Variants in REDIC1 observed in about 807,000 individuals in gnomAD.
REDIC1 encodes HEI10 Interacting Protein 1.
the REDIC1 span, among the ~76,000 whole-genome samples, chr12:39,896,433 TATAC>T: frequency 6.9e-6 from 1 of 144,672 alleles, no homozygotes; most frequent in Admixed American, 7.1e-5. Context: ...TGTATATATG[TATAC>T]ATATATGTAT....
the REDIC1 span, among the ~76,000 whole-genome samples, chr12:39,743,340 A>T: frequency 2.6e-5 from 4 of 152,110 alleles, no homozygotes; most frequent in African/African-American, 9.7e-5. Context: ...AAAAGACTGA[A>T]ACCTAATTAT....
At chr12:39,712,093 C>T in the REDIC1 span, among the ~76,000 whole-genome samples, 82 of 94,956 alleles carry the variant, frequency 8.6e-4, no homozygotes, top group Admixed American at 2.1e-3. Flanking sequence ...TATATACATA[C>T]ATATATACCT....
the REDIC1 span, among the ~76,000 whole-genome samples, chr12:39,877,208 A>G: frequency 6.6e-6 from 1 of 152,168 alleles, no homozygotes; most frequent in Non-Finnish European, 1.5e-5. Context: ...ATTTATAAAT[A>G]AAAAGAGGTT....
the REDIC1 span, among the ~76,000 whole-genome samples, chr12:39,771,403 T>C: frequency 6.6e-6 from 1 of 152,184 alleles, no homozygotes. Context: ...TGCTGTAGGA[T>C]GCCTATGCTG....
chr12:39,788,808 C>G, the REDIC1 span: 4 of 152,288 alleles, frequency 2.6e-5, no homozygotes, highest in East Asian at 7.7e-4. Context: ...AGTAGCTCAA[C>G]AATCGAAGTT....
At chr12:39,733,409 A>T in the REDIC1 span, among the ~76,000 whole-genome samples, 2 of 152,052 alleles carry the variant, frequency 1.3e-5, no homozygotes, top group Admixed American at 1.3e-4. Context: ...CACTTCTATT[A>T]TCAATTTGTT....
At chr12:39,794,584 C>T in the REDIC1 span, among the ~76,000 whole-genome samples, 7 of 152,128 alleles carry the variant, frequency 4.6e-5, no homozygotes, top group Non-Finnish European at 1.0e-4. Context: ...AAGGCAAAGG[C>T]AGGTTCAAAG....
the REDIC1 span, among the ~76,000 whole-genome samples, chr12:39,704,507 A>C: frequency 6.6e-6 from 1 of 152,230 alleles, no homozygotes; most frequent in South Asian, 2.1e-4. Context: ...TGTAGAAGGC[A>C]GTGTGGCGAT....
chr12:39,812,468 T>C, the REDIC1 span, among the ~76,000 whole-genome samples: 1 of 151,472 alleles, frequency 6.6e-6, no homozygotes, highest in African/African-American at 2.4e-5. Flanking sequence ...TTCTCCTTTC[T>C]TTCTCCCCTT....
At chr12:39,818,480 T>A in the REDIC1 span, among the ~76,000 whole-genome samples, 1 of 152,200 alleles carries the variant, frequency 6.6e-6, no homozygotes. Flanking sequence ...GATGATGCTC[T>A]GAGTAATTAC....
the REDIC1 span, among the ~76,000 whole-genome samples, chr12:39,665,292 G>A: frequency 6.6e-6 from 1 of 152,140 alleles, no homozygotes; most frequent in Non-Finnish European, 1.5e-5. Flanking sequence ...TCTACATATG[G>A]CTAGCCAGTT....
chr12:39,709,891 T>A, the REDIC1 span, among the ~76,000 whole-genome samples: 1 of 151,808 alleles, frequency 6.6e-6, no homozygotes, highest in Non-Finnish European at 1.5e-5. Flanking sequence ...TTTTGAGAAA[T>A]CTTCATACCA....
At chr12:39,776,595 G>C in the REDIC1 span, among the ~76,000 whole-genome samples, 1 of 152,236 alleles carries the variant, frequency 6.6e-6, no homozygotes, top group African/African-American at 2.4e-5. Context: ...TGCAATAGAA[G>C]CCATGAGGTA....
At chr12:39,657,004 A>T in the REDIC1 span, among the ~76,000 whole-genome samples, 2 of 152,200 alleles carry the variant, frequency 1.3e-5, no homozygotes, top group Non-Finnish European at 2.9e-5. Context: ...AGAAATTTTT[A>T]AAAATAAATT....
the REDIC1 span, among the ~76,000 whole-genome samples, chr12:39,676,050 AC>A: frequency 0.012 from 1,854 of 152,270 alleles, 30 homozygotes; most frequent in African/African-American, 0.042. Flanking sequence ...TTTCCGTAAC[AC>A]CCCCAAAAGA....
chr12:39,901,076 C>G, the REDIC1 span, among the ~76,000 whole-genome samples: 1 of 152,054 alleles, frequency 6.6e-6, no homozygotes, highest in African/African-American at 2.4e-5. Flanking sequence ...CTGAGAAAAA[C>G]AAGCAATGGG....
the REDIC1 span, among the ~76,000 whole-genome samples, chr12:39,659,615 T>A: frequency 1.3e-5 from 2 of 152,180 alleles, no homozygotes; most frequent in Non-Finnish European, 2.9e-5. Context: ...TTTTCTTTTT[T>A]ATCTTCCATG....
chr12:39,892,013 C>T, the REDIC1 span, among the ~76,000 whole-genome samples: 3 of 152,118 alleles, frequency 2.0e-5, no homozygotes, highest in African/African-American at 7.2e-5. Context: ...TTAATTCATA[C>T]ATTAATTCTA....
the REDIC1 span, among the ~76,000 whole-genome samples, chr12:39,650,687 C>CT: frequency 4.6e-5 from 7 of 152,068 alleles, no homozygotes; most frequent in Non-Finnish European, 1.0e-4. This position sits in a 1 kb window ranked among gnomAD's most constrained non-coding sequence, Gnocchi z 4.3. Flanking sequence ...ATTCTCGTGC[C>CT]TTAGCACCCA....
Sources: allele counts gnomAD v4.1 joint callset (sites outside exome capture counted in the v4.1 genomes callset), GRCh38; gene constraint gnomAD v4.1.1; non-coding constraint Gnocchi (gnomAD v3.1); transcripts MANE v1.5; gene names NCBI Gene and HGNC (gene_info 2026-07-23, HGNC 2026-07-21).